RGS22: variants seen among roughly 807,000 people sequenced by gnomAD.
RGS22 encodes regulator of G protein signaling 22.
Under a neutral mutation model 172.9 loss-of-function variants are expected in RGS22, and 148 were observed. The observed-to-expected ratio is 0.86, with a 90% CI of 0.75 to 0.98. RGS22 has a LOEUF of 0.98. Ranked by LOEUF, RGS22 falls within the 50% of genes least tolerant of loss-of-function variation. The probability of loss-of-function intolerance (pLI) is 0.00; values close to 1 mark genes in which losing one functional copy is unlikely to be tolerated. For missense variants in RGS22, 1,347 were observed against 1,440.8 expected (o/e 0.93, Z 1.05); for synonymous variants, 458 against 480.2 (o/e 0.95, Z 0.60).
intron 14 of RGS22, among the ~76,000 whole-genome samples, chr8:100,009,231 A>C (rs1407113467): frequency 1.3e-5 from 2 of 152,114 alleles, no homozygotes; most frequent in African/African-American, 2.4e-5. Flanking sequence ...GAGCCTGGCC[A>C]ATATGGTGAA....
At chr8:100,018,582 A>G (rs1272831589) in intron 14 of RGS22, among the ~76,000 whole-genome samples, 1 of 152,226 alleles carries the variant, frequency 6.6e-6, no homozygotes. Flanking sequence ...AAAAGTGAAC[A>G]AATATTCCTG....
intron 3 of RGS22, among the ~76,000 whole-genome samples, chr8:100,082,842 C>T (rs1470022299): frequency 6.6e-6 from 1 of 152,150 alleles, no homozygotes; most frequent in African/African-American, 2.4e-5. Context: ...AGCCCATACT[C>T]TTATCTACCC....
chr8:100,077,855 C>T (rs528021485), intron 4 of RGS22, among the ~76,000 whole-genome samples: 1 of 152,258 alleles, frequency 6.6e-6, no homozygotes, highest in East Asian at 1.9e-4. Flanking sequence ...ATCTATTTCT[C>T]CTTTCATTTC....
chr8:100,052,805 G>T lies in RGS22; in HGVS notation c.1686C>A (p.Ile562=). The T allele has an allele frequency of 6.2e-7, 1 of 1,613,052 alleles. No homozygotes were observed. The highest frequency in any genetic ancestry group is 8.5e-7 in the Non-Finnish European group (1 of 1,179,140). The change falls in exon 10 of 28, where the codon ATC becomes ATA. Residue 562 remains isoleucine, a synonymous_variant. Transcript: ENST00000360863. ...ACAGCATGAATGTACACCCTACCTG[G>T]ATCTCAGGTATCTGTGGAATGCAAG... is the stretch of plus-strand genomic sequence containing the variant. ...PKSCIPQIPE[I]QKEEFSLSQP...
chr8:100,054,583 A>G (rs1822047087), intron 9 of RGS22, among the ~76,000 whole-genome samples: 1 of 152,174 alleles, frequency 6.6e-6, no homozygotes, highest in Non-Finnish European at 1.5e-5. Flanking sequence ...GACAAAGTGA[A>G]ACCTGTCTCT....
intron 16 of RGS22, 28 bp from the exon 17 acceptor site, chr8:100,004,126 A>T: frequency 6.4e-7 from 1 of 1,562,928 alleles, no homozygotes; most frequent in African/African-American, 1.4e-5. Flanking sequence ...TTCAGCAAAA[A>T]TCTCTTAAAC....
chr8:100,098,854 A>ATTAT (rs1813207726), intron 2 of RGS22, among the ~76,000 whole-genome samples: 1 of 21,512 alleles, frequency 4.6e-5, no homozygotes, highest in Admixed American at 5.8e-4. Context: ...TATTTATTTT[A>ATTAT]TTATTTTATT....
At chr8:100,080,587 T>C in intron 3 of RGS22, 1 of 457,984 alleles carries the variant, frequency 2.2e-6, no homozygotes, top group Non-Finnish European at 3.9e-6. Flanking sequence ...GGGTATGCTA[T>C]GGCAGAAATT....
Position 100,105,982 on chromosome 8 carries a change from C to T in RGS22, c.-61G>A. 1 of 1,332,362 alleles carries T rather than the reference C, an allele frequency of 7.5e-7. No individual in the cohort carries two copies. Among genetic ancestry groups the T allele is most frequent in the Non-Finnish European group, 9.6e-7 (1 of 1,046,258 alleles). 82.5% of individuals were successfully genotyped at this position (1,332,362 alleles called of 1,614,324 possible). ...GCCGTCAGGGCCCTAGCGCGCGGGT[C>T]CAGCGCGGGTCAGGGCCTGAGCGAC... On this transcript the variant is annotated 5_prime_UTR_variant, in exon 1 of 28. Transcript: ENST00000360863.
chr8:99,965,318 C>A lies in RGS22; in HGVS notation c.3615+17G>T, dbSNP rs769134573. The A allele has an allele frequency of 2.5e-6, 4 of 1,580,704 alleles. No homozygotes were observed. The East Asian group carries it at 9.0e-5, about 35-fold the overall frequency. On this transcript the variant is annotated intron_variant, in intron 24 of 27. Coordinates refer to ENST00000360863, the MANE Select transcript of RGS22 (RefSeq NM_015668.5). ...CTCCAGCGGGGAAATGAGGTCTGCA[C>A]CATCTTGCATGCTTACCTGTCGGCC... is the stretch of plus-strand genomic sequence containing the variant.
chr8:100,099,332 T>C (rs1249464414), intron 2 of RGS22, among the ~76,000 whole-genome samples: 1 of 152,180 alleles, frequency 6.6e-6, no homozygotes, highest in African/African-American at 2.4e-5. Flanking sequence ...ACAAAGATAC[T>C]TACAACTCAA....
In RGS22 at chr8:100,072,255, AAAG is replaced by A. The variant is rs764505888; in HGVS notation, c.340-28_340-26del. 7 of 1,453,932 alleles carry A rather than the reference AAAG, an allele frequency of 4.8e-6. No individual in the cohort carries two copies. The Admixed American group carries it at 1.3e-4, about 26-fold the overall frequency. 90.1% of individuals were successfully genotyped at this position (1,453,932 alleles called of 1,614,324 possible). ...ACTATGAGAAGAAAGAGAAAAAGAA[AAAG>A]AAGGTCAGAGAAAATCACTTTTAGG... On this transcript the variant is annotated intron_variant, in intron 4 of 27. Transcript: ENST00000360863.
At chr8:100,095,412 A>G (rs3133411) in intron 2 of RGS22, among the ~76,000 whole-genome samples, 24,933 of 151,982 alleles carry the variant, frequency 0.16, 2,751 homozygotes, top group African/African-American at 0.31. Context: ...TCGAACTCCT[A>G]GCCTCAAGTG....
chr8:99,979,216 T>G (rs892592483), intron 22 of RGS22, among the ~76,000 whole-genome samples: 1 of 152,286 alleles, frequency 6.6e-6, no homozygotes, highest in African/African-American at 2.4e-5. Flanking sequence ...GCTTAAATAC[T>G]CCTCCTCCTC....
At position 100,039,000 on chromosome 8, in the gene RGS22, G is replaced by A. The variant is rs753543627; in HGVS notation, c.2097C>T (p.Asp699=). The A allele has an allele frequency of 6.2e-7, 1 of 1,611,948 alleles. No individual in the cohort carries two copies. The highest frequency in any genetic ancestry group is 1.1e-5 in the South Asian group (1 of 90,748). ...LWKNSVYFWF[D]LQAYHQLFYQ... is the part of the protein sequence containing the mutation. The stretch of plus-strand genomic sequence containing the variant: ...AGAAAAGCTGATGATAAGCCTGCAG[G>A]TCAAACCAAAAGTACACACTGTTCT... Residue 699 remains aspartate (D), a synonymous_variant, in exon 14 of 28, where the codon GAC becomes GAT. Coordinates refer to ENST00000360863, the MANE Select transcript of RGS22 (RefSeq NM_015668.5).
chr8:100,081,465 A>G (rs1010029018), intron 3 of RGS22, among the ~76,000 whole-genome samples: 19 of 151,630 alleles, frequency 1.3e-4, no homozygotes, highest in African/African-American at 4.4e-4. Context: ...CATGGATGAT[A>G]CGGTTCAAGA....
intron 23 of RGS22, among the ~76,000 whole-genome samples, chr8:99,975,078 G>A (rs1338429068): frequency 6.6e-6 from 1 of 151,906 alleles, no homozygotes; most frequent in Admixed American, 6.6e-5. Flanking sequence ...CATGGGAGGT[G>A]GAAGTTGCAG....
rs916498324 is a variant in RGS22, at chr8:99,996,115, G to T, written c.3018+347C>A. Among the ~76,000 whole-genome samples, 16 of 150,696 alleles carry T rather than the reference G, an allele frequency of 1.1e-4. No homozygotes were observed. In the East Asian group the frequency reaches 2.9e-3, roughly 28 times the overall value. ...ACCACACACTGGGGCCTGTTGGGGG[G>T]TGGGGGGCTGGGGGAGGGGTAACAT... On this transcript the variant is annotated intron_variant, in intron 20 of 27. Transcript: ENST00000360863.
In RGS22 at chr8:99,996,512, C is replaced by T. The variant is rs1202590689; in HGVS notation, c.2968G>A (p.Ala990Thr). Residue 990 changes from alanine to threonine, a missense_variant, in exon 20 of 28, where the codon GCA (alanine) becomes ACA (threonine). Ala to Thr is a moderately conservative substitution (Grantham distance 58). Coordinates refer to ENST00000360863, the MANE Select transcript of RGS22 (RefSeq NM_015668.5). ...QKIKVQMKDI[A>T]EELLLQKAEK... The stretch of plus-strand genomic sequence containing the variant: ...GCCTTCTGTAGTAAGAGCTCTTCTG[C>T]TATGTCTTTCATCTGTACCTGAAAG... The T allele has an allele frequency of 1.2e-6, 2 of 1,613,402 alleles. No individual in the cohort carries two copies. The highest frequency in any genetic ancestry group is 1.7e-5 in the Admixed American group (1 of 59,952).
Sources: allele counts gnomAD v4.1 joint callset (sites outside exome capture counted in the v4.1 genomes callset), GRCh38; gene constraint gnomAD v4.1.1; transcripts MANE v1.5; gene names NCBI Gene and HGNC (gene_info 2026-07-23, HGNC 2026-07-21).